PCP4: variants seen among roughly 807,000 people sequenced by gnomAD.
PCP4 encodes calmodulin regulator protein PCP4.
A neutral mutation model predicts 10.0 loss-of-function variants in PCP4; 8 were observed. The ratio of observed to expected loss-of-function variants is 0.80; its 90% CI spans 0.47 to 1.45. The LOEUF is 1.45. Among genes scored for constraint, PCP4 ranks in the 40% most tolerant of loss-of-function variants. PCP4 has a pLI of 0.00. For synonymous variants in PCP4, 21 were observed against 23.0 expected (o/e 0.91, Z 0.24); for missense variants, 54 against 74.4 (o/e 0.73, Z 1.01).
At chr21:39,892,877 C>A (rs1418996804) in intron 1 of PCP4, among the ~76,000 whole-genome samples, 1 of 152,142 alleles carries the variant, frequency 6.6e-6, no homozygotes, top group African/African-American at 2.4e-5. Context: ...GAGATCTAGT[C>A]ATTTGCAACA....
At chr21:39,910,345 C>T (rs950941891) in intron 2 of PCP4, among the ~76,000 whole-genome samples, 5 of 152,130 alleles carry the variant, frequency 3.3e-5, no homozygotes, top group Admixed American at 6.5e-5. Context: ...GGCTAATCAT[C>T]GTGGGACCAT....
chr21:39,868,872 G>C (rs1359660791), intron 1 of PCP4, among the ~76,000 whole-genome samples: 1 of 152,142 alleles, frequency 6.6e-6, no homozygotes, highest in Admixed American at 6.6e-5. Context: ...TGAACAGAGG[G>C]GATGGCAGAG....
chr21:39,902,641 C>T (rs1332242387), intron 2 of PCP4, among the ~76,000 whole-genome samples: 2 of 152,188 alleles, frequency 1.3e-5, no homozygotes, highest in African/African-American at 4.8e-5. Context: ...CCTCAGTACA[C>T]ACACTCAAAC....
At chr21:39,927,373 T>TATCTATC (rs1568863910) in intron 2 of PCP4, among the ~76,000 whole-genome samples, 14 of 11,390 alleles carry the variant, frequency 1.2e-3, no homozygotes, top group African/African-American at 3.1e-3. Context: ...ATCTATCATC[T>TATCTATC]ATCTATCTAT....
At chr21:39,889,651 C>T (rs574450466) in intron 1 of PCP4, among the ~76,000 whole-genome samples, 318 of 152,064 alleles carry the variant, frequency 2.1e-3, no homozygotes, top group African/African-American at 5.0e-3. Context: ...CTCCTGACCT[C>T]GTGATCTGCC....
At chr21:39,909,376 C>G (rs938926234) in intron 2 of PCP4, among the ~76,000 whole-genome samples, 2 of 152,168 alleles carry the variant, frequency 1.3e-5, no homozygotes, top group Non-Finnish European at 2.9e-5. Context: ...TTCCTTCAGT[C>G]TCATCATGAG....
intron 2 of PCP4, among the ~76,000 whole-genome samples, chr21:39,908,171 T>C (rs1431972985): frequency 6.7e-6 from 1 of 150,280 alleles, no homozygotes; most frequent in East Asian, 1.9e-4. Flanking sequence ...AACTGTGTAG[T>C]GTAATTGGCT....
chr21:39,913,100 A>G (rs2087548848), intron 2 of PCP4, among the ~76,000 whole-genome samples: 1 of 152,142 alleles, frequency 6.6e-6, no homozygotes, highest in Admixed American at 6.5e-5. Flanking sequence ...CTTCTGGGGT[A>G]TTTAATTTTA....
chr21:39,886,654 G>A (rs1201350126), intron 1 of PCP4, among the ~76,000 whole-genome samples: 2 of 152,180 alleles, frequency 1.3e-5, no homozygotes, highest in Non-Finnish European at 2.9e-5. Flanking sequence ...TGAAAAGTCA[G>A]AGGGAGTTCC....
chr21:39,868,521 T>C (rs1374428249), intron 1 of PCP4, among the ~76,000 whole-genome samples: 2 of 152,012 alleles, frequency 1.3e-5, no homozygotes, highest in East Asian at 3.9e-4. Flanking sequence ...AAGCCAGGGG[T>C]TTGAGGCAGG....
At chr21:39,875,412 G>T (rs911505385) in intron 1 of PCP4, among the ~76,000 whole-genome samples, 1 of 152,136 alleles carries the variant, frequency 6.6e-6, no homozygotes, top group African/African-American at 2.4e-5. Context: ...CCACAAGTCT[G>T]CCCATGTCCA....
At chr21:39,896,962 A>T (rs1351199085) in intron 1 of PCP4, among the ~76,000 whole-genome samples, 1 of 152,216 alleles carries the variant, frequency 6.6e-6, no homozygotes, top group Non-Finnish European at 1.5e-5. Context: ...CTAGGATCCC[A>T]TTCAGATAGT....
intron 2 of PCP4, among the ~76,000 whole-genome samples, chr21:39,926,486 C>T (rs2087621801): frequency 1.9e-5 from 1 of 52,934 alleles, no homozygotes; most frequent in East Asian, 5.6e-4. Context: ...AACTTCCCCT[C>T]CTACTTGGAA....
At chr21:39,926,264 A>G (rs1376928559) in intron 2 of PCP4, 3 of 290,922 alleles carry the variant, frequency 1.0e-5, no homozygotes, top group Middle Eastern at 5.3e-4. Flanking sequence ...TGGCTGAGAT[A>G]TCAGTTTAAG....
chr21:39,898,045 C>CAAAAAAA (rs780273912), intron 1 of PCP4, among the ~76,000 whole-genome samples: 5 of 74,020 alleles, frequency 6.8e-5, no homozygotes, highest in Non-Finnish European at 7.9e-5. Context: ...GACTCAGTCT[C>CAAAAAAA]AAAAAAAAAA....
chr21:39,888,760 C>A (rs549191116), intron 1 of PCP4, among the ~76,000 whole-genome samples: 2 of 152,188 alleles, frequency 1.3e-5, no homozygotes, highest in Non-Finnish European at 2.9e-5. Context: ...TTGGGACCCT[C>A]GGGCCCAGCC....
intron 2 of PCP4, among the ~76,000 whole-genome samples, chr21:39,907,360 C>T (rs1196960571): frequency 6.6e-6 from 1 of 152,116 alleles, no homozygotes; most frequent in Admixed American, 6.6e-5. Flanking sequence ...AGCAGCCAAT[C>T]TAGAACATAG....
At chr21:39,872,619 T>G (rs59453553) in intron 1 of PCP4, among the ~76,000 whole-genome samples, 25,352 of 152,290 alleles carry the variant, frequency 0.17, 2,403 homozygotes, top group South Asian at 0.37. Context: ...GGCTGCATAG[T>G]ATTGATTAGA....
chr21:39,927,279 G>GATCTATCT lies in PCP4; in HGVS notation c.62-1669_62-1662dup, dbSNP rs10526940. Among the ~76,000 whole-genome samples the GATCTATCT allele has an allele frequency of 7.0e-3, 972 of 139,260 alleles. 15 individuals carry two copies. The highest frequency in any genetic ancestry group is 0.02 in the African/African-American group (776 of 38,086). 91.4% of individuals were successfully genotyped at this position (139,260 alleles called of 152,430 possible). ...CTTATGTTTGTCTGTCTGTCTCTCT[G>GATCTATCT]ATCTATCTATCTATCTATCTATCTA... On this transcript the variant is annotated intron_variant, in intron 2 of 2. Coordinates refer to ENST00000328619, the MANE Select transcript of PCP4 (RefSeq NM_006198.3).
Sources: allele counts gnomAD v4.1 joint callset (sites outside exome capture counted in the v4.1 genomes callset), GRCh38; gene constraint gnomAD v4.1.1; transcripts MANE v1.5; gene names NCBI Gene and HGNC (gene_info 2026-07-23, HGNC 2026-07-21).